The following PGR variants were observed in gnomAD, a reference collection of about 807,000 sequenced individuals.
PGR encodes nuclear receptor subfamily 3 group C member 3.
A neutral mutation model predicts 76.1 loss-of-function variants in PGR; 25 were observed. That is an observed-to-expected ratio of 0.33 (90% confidence interval 0.24 to 0.46). The LOEUF (loss-of-function observed/expected upper bound fraction) is 0.46. Among genes scored for constraint, PGR ranks in the 20% least tolerant of loss-of-function variants. The pLI, the probability that PGR is intolerant of heterozygous loss-of-function variation, is 1.00. For missense variants in PGR, 1,172 were observed against 1,225.3 expected (o/e 0.96, Z 0.65); for synonymous variants, 579 against 535.0 (o/e 1.08, Z -1.14).
intron 3 of PGR, among the ~76,000 whole-genome samples, chr11:101,077,363 T>C (rs1861162569): frequency 6.6e-6 from 1 of 152,164 alleles, no homozygotes; most frequent in African/African-American, 2.4e-5. Flanking sequence ...TCACCTCCAA[T>C]TTCCAGATCA....
At position 101,127,999 on chromosome 11, in the gene PGR, A is replaced by G. The variant is rs1176282845; in HGVS notation, c.1072T>C (p.Phe358Leu). Residue 358 changes from phenylalanine to leucine, a missense_variant, in exon 1 of 8, where the codon TTC (phenylalanine) becomes CTC (leucine). By Grantham distance (22) the Phe-to-Leu change is conservative. Transcript: ENST00000325455. ...TCGGGCGGGTACGCGCAGTCGGGGA[A>G]GTCGCCTACAGCGACCGGGGTGGAC... ...ASSTPVAVGDFPDCAYPPDAE... is the reference protein window; with the variant it reads ...ASSTPVAVGDLPDCAYPPDAE... 1 of 1,611,108 alleles carries G rather than the reference A, an allele frequency of 6.2e-7. No homozygotes were observed. The highest frequency in any genetic ancestry group is 1.7e-5 in the Admixed American group (1 of 59,992).
In PGR at chr11:101,128,350, G is replaced by T. The variant is rs751928066; in HGVS notation, c.721C>A (p.Pro241Thr). 6.2e-7 allele frequency: 1 copy of T among 1,603,382 alleles called. No homozygotes were observed. The highest frequency in any genetic ancestry group is 1.3e-5 in the African/African-American group (1 of 75,010). ...GCCGCCGCGCCACCCAGAGCCCGAGGTTTGCCCTTCAGAAGCGGACCCGCA... is the reference window on the plus strand; with the variant it reads ...GCCGCCGCGCCACCCAGAGCCCGAGTTTTGCCCTTCAGAAGCGGACCCGCA... The part of the protein sequence containing the change: ...ESAGPLLKGK[P>T]RALGGAAAGG... Residue 241 changes from proline (P) to threonine (T), a missense_variant, in exon 1 of 8, where the codon CCT becomes ACT. Physicochemically the swap from Pro to Thr is conservative, Grantham distance 38. Around this residue, in one of 4 missense-constraint regions of PGR, gnomAD observed 893 missense variants for 785.9 expected, o/e 1.14. Transcript: ENST00000325455.
At chr11:101,058,518 A>T (rs1441134130) in intron 4 of PGR, among the ~76,000 whole-genome samples, 2 of 152,228 alleles carry the variant, frequency 1.3e-5, no homozygotes, top group African/African-American at 4.8e-5. Flanking sequence ...GATAATTGCA[A>T]GTAGTCTGGT....
chr11:101,069,336 C>T (rs1033714364), intron 3 of PGR, among the ~76,000 whole-genome samples: 10 of 152,002 alleles, frequency 6.6e-5, no homozygotes, highest in South Asian at 4.2e-4. Context: ...GTTAGAATGG[C>T]GATCATTAAA....
intron 2 of PGR, among the ~76,000 whole-genome samples, chr11:101,112,524 C>T (rs191956216): frequency 6.6e-6 from 1 of 152,016 alleles, no homozygotes; most frequent in East Asian, 1.9e-4. Flanking sequence ...ATGGTGGTAG[C>T]AATTTCAGAA....
Position 101,128,609 on chromosome 11 carries a change from G to A in PGR, c.462C>T (p.Ala154=), listed in dbSNP as rs1210042268. ...GGGACAACACCCGCTGGGTGGCGGG[G>A]GCAGCCGGTGGATCTTCGGGAAGTT... ...GPELPEDPPA[A]PATQRVLSPL... The change falls in exon 1 of 8, where the codon GCC becomes GCT. Residue 154 remains alanine, a synonymous_variant. Transcript: ENST00000325455. The A allele has an allele frequency of 1.3e-6, 2 of 1,589,500 alleles. No individual in the cohort carries two copies. The highest frequency in any genetic ancestry group is 2.7e-5 in the African/African-American group (2 of 74,696).
chr11:101,115,509 C>A (rs551114473), intron 2 of PGR, among the ~76,000 whole-genome samples: 10 of 152,116 alleles, frequency 6.6e-5, no homozygotes, highest in Non-Finnish European at 1.3e-4. Context: ...CTGTTGCTCA[C>A]GCCTGTAATC....
In PGR at chr11:101,050,032, A is replaced by G; in HGVS notation, c.2385T>C (p.Tyr795=). The G allele has an allele frequency of 6.2e-7, 1 of 1,612,772 alleles. No homozygotes were observed. Among genetic ancestry groups the G allele is most frequent in the Non-Finnish European group, 8.5e-7 (1 of 1,179,204 alleles). ...TCTGCCACATGGTAAGGCATAATGAATAGAATGATGATTCTTTCATCCGCT... is the reference window on the plus strand; with the variant it reads ...TCTGCCACATGGTAAGGCATAATGAGTAGAATGATGATTCTTTCATCCGCT... ...NEQRMKESSF[Y]SLCLTMWQIP... is the part of the protein sequence containing the mutation. The change falls in exon 6 of 8, where the codon TAT becomes TAC. Residue 795 remains tyrosine (Y), a synonymous_variant. Coordinates refer to ENST00000325455, the MANE Select transcript of PGR (RefSeq NM_000926.4).
intron 2 of PGR, among the ~76,000 whole-genome samples, chr11:101,119,809 T>C (rs534426848): frequency 1.3e-5 from 2 of 152,278 alleles, no homozygotes; most frequent in South Asian, 4.1e-4. Flanking sequence ...TATAAAGTAA[T>C]TAATATTTGC....
chr11:101,110,388 A>G (rs1029901022), intron 2 of PGR, among the ~76,000 whole-genome samples: 12 of 152,212 alleles, frequency 7.9e-5, no homozygotes, highest in Admixed American at 7.9e-4. Flanking sequence ...AGTTGATTCA[A>G]ACCCTTATAG....
intron 2 of PGR, among the ~76,000 whole-genome samples, chr11:101,103,659 A>T (rs1041117443): frequency 3.9e-5 from 6 of 152,194 alleles, no homozygotes; most frequent in African/African-American, 1.4e-4. Flanking sequence ...TTAGTACTCA[A>T]AGAGGAAATC....
chr11:101,049,118 T>TA (rs2135390809), intron 6 of PGR, among the ~76,000 whole-genome samples: 1 of 152,200 alleles, frequency 6.6e-6, no homozygotes. Context: ...AAACTTTTTT[T>TA]AAAAAAACTA....
intron 2 of PGR, among the ~76,000 whole-genome samples, chr11:101,122,278 C>T (rs1301074792): frequency 6.6e-6 from 1 of 151,816 alleles, no homozygotes; most frequent in Non-Finnish European, 1.5e-5. Context: ...AATGATATTA[C>T]ACCAAATGTA....
chr11:101,073,480 G>C (rs1565344919), intron 3 of PGR, among the ~76,000 whole-genome samples: 2 of 151,474 alleles, frequency 1.3e-5, no homozygotes, highest in African/African-American at 2.4e-5. Flanking sequence ...ACTAAGACCA[G>C]AGCAGAACCG....
In PGR at chr11:101,098,330, G is replaced by T. The variant is rs375700778; in HGVS notation, c.1790-6454C>A. Among the ~76,000 whole-genome samples, 7 of 152,262 alleles carry T rather than the reference G, an allele frequency of 4.6e-5. No homozygotes were observed. The East Asian group carries it at 9.7e-4, about 21-fold the overall frequency. On this transcript the variant is annotated intron_variant, in intron 2 of 7. Transcript: ENST00000325455. ...GCACAAGTGAACATAGTTCACTTAG[G>T]TCTGAGAGAGTTCACAATTTTTCAT...
chr11:101,100,173 C>T (rs1400418773), intron 2 of PGR, among the ~76,000 whole-genome samples: 5 of 152,148 alleles, frequency 3.3e-5, no homozygotes, highest in African/African-American at 1.2e-4. Flanking sequence ...GTAATTGAAT[C>T]ATGGGGGTGG....
At chr11:101,083,816 T>C (rs1298220962) in intron 3 of PGR, among the ~76,000 whole-genome samples, 2 of 152,116 alleles carry the variant, frequency 1.3e-5, no homozygotes, top group African/African-American at 4.8e-5. Flanking sequence ...AGATCATAGG[T>C]GGAAGGGACT....
chr11:101,120,098 G>T (rs1012997357), intron 2 of PGR, among the ~76,000 whole-genome samples: 8 of 152,232 alleles, frequency 5.3e-5, no homozygotes, highest in Non-Finnish European at 8.8e-5. Context: ...AGAATAAACT[G>T]CCATTCTTCT....
intron 3 of PGR, among the ~76,000 whole-genome samples, chr11:101,073,573 A>G (rs1341106040): frequency 6.6e-6 from 1 of 152,080 alleles, no homozygotes; most frequent in Non-Finnish European, 1.5e-5. Context: ...TTAACAAAGT[A>G]GATAGACCAC....
Sources: gnomAD v4.1 joint callset for allele counts (sites outside exome capture counted in the v4.1 genomes callset) on GRCh38, gnomAD v4.1.1 for gene constraint, gnomAD v4.1.1 regional missense constraint, MANE v1.5 for transcripts, NCBI Gene and HGNC (gene_info 2026-07-23, HGNC 2026-07-21) for gene names.